The following COL15A1 variants were observed in gnomAD, a reference collection of about 807,000 sequenced individuals.
The protein encoded by COL15A1 is collagen type XV alpha 1 chain.
Under a neutral mutation model 165.9 loss-of-function variants are expected in COL15A1, and 111 were observed. The ratio of observed to expected loss-of-function variants is 0.67; its 90% CI spans 0.57 to 0.78. COL15A1 has a LOEUF of 0.78. COL15A1 is among the 30% of genes least tolerant of loss of function. COL15A1 has a pLI of 0.00. For synonymous variants in COL15A1, 659 were observed against 674.8 expected, an observed-to-expected ratio of 0.98 and a Z score of 0.36; for missense variants, 1,745 against 1,789.7, an observed-to-expected ratio of 0.98 and a Z score of 0.45.
At chr9:98,959,188 C>T (rs928556127) in intron 2 of COL15A1, among the ~76,000 whole-genome samples, 5 of 131,562 alleles carry the variant, frequency 3.8e-5, no homozygotes, top group East Asian at 4.5e-4. Context: ...GCCAGGAGTT[C>T]GAGACCAGCC....
In COL15A1 at chr9:98,943,978, G is replaced by A. The variant is rs1425467606; in HGVS notation, c.-84G>A. On this transcript the variant is annotated 5_prime_UTR_variant, in exon 1 of 42. Coordinates refer to ENST00000375001, the MANE Select transcript of COL15A1 (RefSeq NM_001855.5). ...AGGAAGGGCGAGCGCGGCGGCCAGC[G>A]CTCAGCGACCCTTCGTCCTCCGCTA... 3.8e-6 allele frequency: 6 copies of A among 1,575,588 alleles called. 1 individual carries two copies. The Admixed American group carries it at 6.8e-5, about 18-fold the overall frequency.
chr9:99,046,123 C>G lies in COL15A1; in HGVS notation c.2679+1353C>G, dbSNP rs773938627. On this transcript the variant is annotated intron_variant, in intron 26 of 41. Coordinates refer to ENST00000375001, the MANE Select transcript of COL15A1 (RefSeq NM_001855.5). ...GTTAGTGGTGGGGGTCAGCAGGCTG[C>G]TGCAGATGCCATGGCGGTGGTTCCT... 1.1e-4 allele frequency among the ~76,000 whole-genome samples: 16 copies of G among 152,240 alleles called. 1 individual carries two copies. The highest frequency in any genetic ancestry group is 5.9e-5 in the Non-Finnish European group (4 of 68,042).
At position 99,001,787 on chromosome 9, in the gene COL15A1, G is replaced by A. The variant is rs1418566433; in HGVS notation, c.1065+836G>A. Among the ~76,000 whole-genome samples, 2 of 152,150 alleles carry A rather than the reference G, an allele frequency of 1.3e-5. 1 individual carries two copies. The highest frequency in any genetic ancestry group is 4.1e-4 in the South Asian group (2 of 4,824). On this transcript the variant is annotated intron_variant, in intron 7 of 41. Coordinates refer to ENST00000375001, the MANE Select transcript of COL15A1 (RefSeq NM_001855.5). ...AAATGGACACAGTTGTACTTGGCTGGTCAAATTGTGATCTGGGCTTTTGGT... is the reference window on the plus strand; with the variant it reads ...AAATGGACACAGTTGTACTTGGCTGATCAAATTGTGATCTGGGCTTTTGGT...
chr9:98,972,952 G>A (rs1179129169), intron 2 of COL15A1, among the ~76,000 whole-genome samples: 1 of 152,240 alleles, frequency 6.6e-6, no homozygotes, highest in Non-Finnish European at 1.5e-5. Flanking sequence ...AGGATTCTGA[G>A]TGAGTGACTT....
chr9:99,065,745 G>C (rs1825881444), intron 39 of COL15A1, among the ~76,000 whole-genome samples: 1 of 150,414 alleles, frequency 6.6e-6, no homozygotes. Flanking sequence ...CTTGGGGTCT[G>C]TCCTCTGCAG....
rs1163054773 is a variant in COL15A1 at position 98,982,660 on chromosome 9, T to C, written c.101-2905T>C. 7.9e-5 allele frequency among the ~76,000 whole-genome samples: 12 copies of C among 151,664 alleles called. No homozygotes were observed. In the East Asian group the frequency reaches 2.3e-3, roughly 30 times the overall value. On this transcript the variant is annotated intron_variant, in intron 2 of 41. Transcript: ENST00000375001. The stretch of plus-strand genomic sequence containing the variant: ...TGGCTGCCTTTTTTCTTTTTTTTTT[T>C]AGACAGGGTCTCGCTCTGTCACCCA...
At chr9:99,034,505 CAT>C in intron 16 of COL15A1, 42 bp from the exon 17 acceptor site, 1 of 1,450,050 alleles carries the variant, frequency 6.9e-7, no homozygotes, top group Non-Finnish European at 9.2e-7. Flanking sequence ...CACCTCATGA[CAT>C]ATGCATTAAT....
At chr9:99,035,855 G>A (rs1427402600) in intron 19 of COL15A1, among the ~76,000 whole-genome samples, 2 of 152,126 alleles carry the variant, frequency 1.3e-5, no homozygotes, top group East Asian at 1.9e-4. Context: ...ATGAAGCGAT[G>A]CCGGCTCTCA....
At chr9:99,023,266 C>T (rs997297309) in intron 13 of COL15A1, 91 bp from the exon 14 acceptor site, 4 of 1,453,754 alleles carry the variant, frequency 2.8e-6, no homozygotes, top group African/African-American at 2.8e-5. Flanking sequence ...ATATAGGAAA[C>T]ATTTCCCCAT....
At chr9:99,004,707 G>A (rs1838726195) in intron 8 of COL15A1, among the ~76,000 whole-genome samples, 191 bp from the exon 9 acceptor site, 2 of 152,120 alleles carry the variant, frequency 1.3e-5, no homozygotes, top group Admixed American at 1.3e-4. Flanking sequence ...TGCTGGGGTG[G>A]TCTCGCAGCA....
At chr9:98,950,955 T>C (rs954186040) in intron 2 of COL15A1, among the ~76,000 whole-genome samples, 1 of 152,214 alleles carries the variant, frequency 6.6e-6, no homozygotes, top group Admixed American at 6.5e-5. Context: ...CAAGTGCTTC[T>C]TGGCCACCAT....
chr9:99,062,332 A>T (rs767905620), intron 38 of COL15A1, 28 bp downstream of exon 38: 1 of 1,542,146 alleles, frequency 6.5e-7, no homozygotes, highest in South Asian at 1.1e-5. Flanking sequence ...TGGACTGCTC[A>T]TGCATTCATT....
chr9:99,036,381 C>G lies in COL15A1; in HGVS notation c.2394C>G (p.Ile798Met), dbSNP rs1047956049. Residue 798 changes from isoleucine (I) to methionine (M), a missense_variant, in exon 21 of 42, where the codon ATC becomes ATG. Coordinates refer to ENST00000375001, the MANE Select transcript of COL15A1 (RefSeq NM_001855.5). The stretch of plus-strand genomic sequence containing the variant: ...GGCCGAGAGGGCCACCTGGGCACAT[C>G]AAGGTCTTGTCTAATGTGAGTATCA... ...PPGPRGPPGH[I>M]KVLSNSLINI... is the part of the protein sequence containing the mutation. 10 of 1,614,072 alleles carry G rather than the reference C, an allele frequency of 6.2e-6. No homozygotes were observed. The highest frequency in any genetic ancestry group is 1.7e-5 in the Admixed American group (1 of 60,014).
At position 98,989,211 on chromosome 9, in the gene COL15A1, G is replaced by A; in HGVS notation, c.757G>A (p.Asp253Asn). ...AGAGACCAGTGGGCTGCAGGAGGCA[G>A]ACGGAGTAGCTGAGATCTTAGAAGC... ...SGETSGLQEA[D>N]GVAEILEAVT... Residue 253 changes from aspartate (D) to asparagine (N), a missense_variant, in exon 5 of 42, where the codon GAC becomes AAC. Physicochemically the swap from Asp to Asn is conservative, Grantham distance 23 (BLOSUM62 1). Transcript: ENST00000375001. The A allele has an allele frequency of 6.2e-7, 1 of 1,614,238 alleles. No individual in the cohort carries two copies. The highest frequency in any genetic ancestry group is 8.5e-7 in the Non-Finnish European group (1 of 1,180,042).
At chr9:99,043,197 C>T (rs1213075197) in intron 24 of COL15A1, among the ~76,000 whole-genome samples, 1 of 151,870 alleles carries the variant, frequency 6.6e-6, no homozygotes, top group East Asian at 1.9e-4. Context: ...GAGGAGAGGG[C>T]CTCCAATATC....
intron 22 of COL15A1, among the ~76,000 whole-genome samples, chr9:99,039,961 C>T (rs1839372273): frequency 6.6e-6 from 1 of 152,196 alleles, no homozygotes; most frequent in South Asian, 2.1e-4. Context: ...TCTAGTGCTG[C>T]CCCAAGATTC....
chr9:99,003,101 C>A (rs2118950419), intron 7 of COL15A1, among the ~76,000 whole-genome samples: 1 of 152,346 alleles, frequency 6.6e-6, no homozygotes, highest in Non-Finnish European at 1.5e-5. Context: ...TCTGAAGCAT[C>A]TTCATGGGCA....
In COL15A1 at chr9:99,040,532, G is replaced by A. The variant is rs922293977; in HGVS notation, c.2487G>A (p.Gly829=). The A allele has an allele frequency of 6.2e-7, 1 of 1,614,058 alleles. No homozygotes were observed. The highest frequency in any genetic ancestry group is 8.5e-7 in the Non-Finnish European group (1 of 1,180,042). ...PELVGPPGPD[G]LPGLPGFPGP... Reference sequence around the variant, plus strand: ...TTGGTGTGTCACAGGGGCCGGACGGGTTGCCTGGGCTGCCAGGATTTCCAG... The same window carrying A: ...TTGGTGTGTCACAGGGGCCGGACGGATTGCCTGGGCTGCCAGGATTTCCAG... The change falls in exon 23 of 42, where the codon GGG becomes GGA. Residue 829 remains glycine (G), a synonymous_variant. Coordinates refer to ENST00000375001, the MANE Select transcript of COL15A1 (RefSeq NM_001855.5).
At chr9:99,006,879 G>A (rs1410833343) in intron 9 of COL15A1, among the ~76,000 whole-genome samples, 3 of 152,328 alleles carry the variant, frequency 2.0e-5, no homozygotes, top group South Asian at 2.1e-4. Context: ...AAAGCAAAGA[G>A]TATTTGAAAC....
Sources: allele counts gnomAD v4.1 joint callset (sites outside exome capture counted in the v4.1 genomes callset), GRCh38; gene constraint gnomAD v4.1.1; transcripts MANE v1.5; gene names NCBI Gene and HGNC (gene_info 2026-07-23, HGNC 2026-07-21).